SPMIP2: variants seen among roughly 807,000 people sequenced by gnomAD.
SPMIP2 encodes sperm microtubule inner protein 2.
At chr4:158,988,723 T>C in the SPMIP2 span, among the ~76,000 whole-genome samples, 2 of 152,286 alleles carry the variant, frequency 1.3e-5, no homozygotes, top group South Asian at 4.1e-4. Flanking sequence ...AAACTAGGTA[T>C]TGATGGAGTG....
At chr4:158,969,515 A>G in the SPMIP2 span, among the ~76,000 whole-genome samples, 1 of 152,200 alleles carries the variant, frequency 6.6e-6, no homozygotes, top group Non-Finnish European at 1.5e-5. Context: ...GGAAATAGCT[A>G]AACATTAAAA....
the SPMIP2 span, among the ~76,000 whole-genome samples, chr4:159,055,443 C>T: frequency 2.0e-5 from 3 of 152,198 alleles, no homozygotes; most frequent in African/African-American, 7.2e-5. Context: ...TGGCTCACCC[C>T]TGTATTCCCA....
chr4:159,044,180 C>A, the SPMIP2 span, among the ~76,000 whole-genome samples: 1 of 151,408 alleles, frequency 6.6e-6, no homozygotes, highest in African/African-American at 2.4e-5. Context: ...TTTTCAGTGG[C>A]AAGGAAGTTT....
At chr4:158,900,962 G>C in the SPMIP2 span, among the ~76,000 whole-genome samples, 2 of 152,252 alleles carry the variant, frequency 1.3e-5, no homozygotes, top group African/African-American at 4.8e-5. Flanking sequence ...TGTTTTTGCA[G>C]TGGCTGGTAC....
chr4:159,081,779 A>G, the SPMIP2 span, among the ~76,000 whole-genome samples: 1 of 152,218 alleles, frequency 6.6e-6, no homozygotes, highest in Non-Finnish European at 1.5e-5. Flanking sequence ...TAATTTATTT[A>G]ATAAGCCCTT....
the SPMIP2 span, among the ~76,000 whole-genome samples, chr4:159,053,951 G>T: frequency 0.053 from 8,001 of 151,600 alleles, 283 homozygotes; most frequent in Middle Eastern, 0.12. Context: ...AGAAAGAAAA[G>T]AAAATAAACA....
At chr4:158,946,781 G>T in the SPMIP2 span, among the ~76,000 whole-genome samples, 1 of 152,166 alleles carries the variant, frequency 6.6e-6, no homozygotes, top group South Asian at 2.1e-4. Flanking sequence ...GCAATTAAAT[G>T]ATCAATCATG....
chr4:158,929,838 T>A, the SPMIP2 span, among the ~76,000 whole-genome samples: 1 of 152,246 alleles, frequency 6.6e-6, no homozygotes, highest in Non-Finnish European at 1.5e-5. Context: ...AATATATTAA[T>A]ACTGACTTTA....
At chr4:158,901,502 T>G in the SPMIP2 span, among the ~76,000 whole-genome samples, 2,487 of 152,180 alleles carry the variant, frequency 0.016, 23 homozygotes, top group Non-Finnish European at 0.028. Context: ...CTTTGTGGTG[T>G]TCTCTGTATT....
the SPMIP2 span, among the ~76,000 whole-genome samples, chr4:159,043,786 G>A: frequency 6.6e-6 from 1 of 152,168 alleles, no homozygotes; most frequent in Non-Finnish European, 1.5e-5. Flanking sequence ...CTGAGACTAA[G>A]CACAATTTAC....
the SPMIP2 span, among the ~76,000 whole-genome samples, chr4:159,059,970 C>A: frequency 6.6e-6 from 1 of 152,154 alleles, no homozygotes; most frequent in Non-Finnish European, 1.5e-5. Context: ...GCATATGCAG[C>A]TCTAAGGCAA....
the SPMIP2 span, among the ~76,000 whole-genome samples, chr4:159,061,316 C>T: frequency 2.0e-5 from 3 of 151,894 alleles, no homozygotes; most frequent in Non-Finnish European, 4.4e-5. Flanking sequence ...CCCTCATCAC[C>T]TTCAGACCCA....
the SPMIP2 span, among the ~76,000 whole-genome samples, chr4:159,044,255 C>T: frequency 2.6e-5 from 4 of 151,026 alleles, no homozygotes; most frequent in Admixed American, 2.6e-4. Context: ...TGTAGTCCCA[C>T]CTACTCGGGA....
chr4:158,975,802 A>G, the SPMIP2 span, among the ~76,000 whole-genome samples: 1 of 152,028 alleles, frequency 6.6e-6, no homozygotes. Flanking sequence ...GTTCCAAATG[A>G]AATTTAAAGT....
At chr4:158,919,863 C>T in the SPMIP2 span, among the ~76,000 whole-genome samples, 1 of 152,170 alleles carries the variant, frequency 6.6e-6, no homozygotes, top group Non-Finnish European at 1.5e-5. Flanking sequence ...TCTTTATACA[C>T]TTCCTTATGT....
chr4:159,012,015 G>A, the SPMIP2 span, among the ~76,000 whole-genome samples: 9 of 147,720 alleles, frequency 6.1e-5, no homozygotes, highest in Non-Finnish European at 7.4e-5. Context: ...AAGATCACAC[G>A]ATTATACTCC....
At chr4:159,061,245 C>T in the SPMIP2 span, among the ~76,000 whole-genome samples, 1 of 151,924 alleles carries the variant, frequency 6.6e-6, no homozygotes, top group African/African-American at 2.4e-5. Context: ...CCTCACCACC[C>T]TCACCTCACA....
the SPMIP2 span, chr4:158,904,635 A>C: frequency 8.9e-7 from 1 of 1,126,244 alleles, no homozygotes; most frequent in Non-Finnish European, 1.3e-6. Flanking sequence ...TGTCAAAAGC[A>C]TGAGAAGAGC....
At chr4:158,902,630 T>A in the SPMIP2 span, among the ~76,000 whole-genome samples, 1 of 152,206 alleles carries the variant, frequency 6.6e-6, no homozygotes. Context: ...ATGGGGGTTT[T>A]ATCTATAAAC....
Sources: allele counts gnomAD v4.1 joint callset (sites outside exome capture counted in the v4.1 genomes callset), GRCh38; gene constraint gnomAD v4.1.1; transcripts MANE v1.5; gene names NCBI Gene and HGNC (gene_info 2026-07-23, HGNC 2026-07-21).